Variants in ABCF2 observed in about 807,000 individuals in gnomAD.
ABCF2 encodes ATP binding cassette subfamily F member 2.
In ABCF2, 37 loss-of-function variants were observed where a neutral mutation model predicts 76.9. That is an observed-to-expected ratio of 0.48 (90% CI 0.37 to 0.63). The LOEUF (loss-of-function observed/expected upper bound fraction) is 0.63. ABCF2 is among the 30% of genes least tolerant of loss of function. The pLI is 0.00. For synonymous variants in ABCF2, 299 were observed against 283.7 expected, an observed-to-expected ratio of 1.05 and a Z score of -0.54; for missense variants, 524 against 782.1, an observed-to-expected ratio of 0.67 and a Z score of 3.94.
chr7:151,213,679 A>T lies in ABCF2; in HGVS notation c.*375T>A. ...GGCTGGGGGGTACTCCTCCAACATC[A>T]CCAAAACCCAGAAAACGAGGATCCT... On this transcript the variant is annotated 3_prime_UTR_variant, in exon 15 of 15. Coordinates refer to ENST00000287844, the MANE Select transcript of ABCF2 (RefSeq NM_007189.3). The T allele has an allele frequency of 9.7e-7, 1 of 1,033,780 alleles. No homozygotes were observed. The highest frequency in any genetic ancestry group is 1.2e-6 in the Non-Finnish European group (1 of 863,278). The allele number at this position is 1,033,780 out of a possible 1,614,324, so 64.0% of individuals were successfully genotyped here.
intron 3 of ABCF2, among the ~76,000 whole-genome samples, chr7:151,224,404 T>G (rs1802333119): frequency 6.6e-6 from 1 of 152,142 alleles, no homozygotes; most frequent in Non-Finnish European, 1.5e-5. Flanking sequence ...TGGTACAGGG[T>G]GGACGCACCC....
intron 10 of ABCF2, 76 bp from the exon 11 acceptor site, chr7:151,218,267 G>C: frequency 9.5e-7 from 1 of 1,047,804 alleles, no homozygotes; most frequent in Admixed American, 1.8e-5. Flanking sequence ...CAAGCCCGCT[G>C]AATTCCCAGT....
chr7:151,212,018 T>C lies in ABCF2; in HGVS notation c.*2036A>G. 1.1e-6 allele frequency: 1 copy of C among 951,118 alleles called. No individual in the cohort carries two copies. The highest frequency in any genetic ancestry group is 1.3e-6 in the Non-Finnish European group (1 of 798,740). 58.9% of individuals were successfully genotyped at this position (951,118 alleles called of 1,614,324 possible). On this transcript the variant is annotated 3_prime_UTR_variant, in exon 15 of 15. Transcript: ENST00000287844. ...ACTCACAAGAAATTTCCCTCCTTTT[T>C]GAATACTTCTGTCTCCTATCTAAAT...
At chr7:151,219,356 G>C (rs1027102270) in intron 7 of ABCF2, among the ~76,000 whole-genome samples, 197 bp from the exon 8 acceptor site, 3 of 152,120 alleles carry the variant, frequency 2.0e-5, no homozygotes, top group Admixed American at 2.0e-4. Flanking sequence ...TATGCCCCTC[G>C]CTCAGCCCAG....
intron 11 of ABCF2, among the ~76,000 whole-genome samples, chr7:151,216,567 C>T (rs1802155069): frequency 6.6e-6 from 1 of 152,202 alleles, no homozygotes; most frequent in South Asian, 2.1e-4. Flanking sequence ...CTCTGTTGCC[C>T]AGGCTGGAGT....
In ABCF2 at chr7:151,221,596, C is replaced by G. The variant is rs1158233579; in HGVS notation, c.903G>C (p.Lys301Asn). 1.3e-6 allele frequency: 2 copies of G among 1,598,858 alleles called. No homozygotes were observed. Among genetic ancestry groups the G allele is most frequent in the Non-Finnish European group, 1.7e-6 (2 of 1,167,570 alleles). ...CACTCACCGTATAATACTTCAGTTT[C>G]TTGTTGTGCATGTGAATGATATTGG... is the stretch of plus-strand genomic sequence containing the variant. ...VCTNIIHMHN[K>N]KLKYYTGNYD... Residue 301 changes from lysine to asparagine, a missense_variant, in exon 7 of 15, where the codon AAG becomes AAC. Lys to Asn is a moderately conservative substitution (Grantham distance 94). Coordinates refer to ENST00000287844, the MANE Select transcript of ABCF2 (RefSeq NM_007189.3).
At chr7:151,219,446 G>A (rs934774892) in intron 7 of ABCF2, among the ~76,000 whole-genome samples, 4 of 152,160 alleles carry the variant, frequency 2.6e-5, no homozygotes, top group Non-Finnish European at 4.4e-5. Context: ...GAAAATCACG[G>A]TCATACGGAC....
intron 7 of ABCF2, 125 bp downstream of exon 7, chr7:151,221,453 C>T (rs1337330368): frequency 1.1e-5 from 7 of 629,500 alleles, no homozygotes; most frequent in Non-Finnish European, 1.9e-5. Flanking sequence ...CCACCCACCT[C>T]GGCCTCCCAA....
chr7:151,218,488 C>T, intron 10 of ABCF2, 73 bp downstream of exon 10: 1 of 1,350,526 alleles, frequency 7.4e-7, no homozygotes, highest in Non-Finnish European at 1.1e-6. Context: ...CAGCACAGAA[C>T]AGGAGCAACT....
At chr7:151,225,077 C>T (rs1802346810) in intron 2 of ABCF2, 89 bp from the exon 3 acceptor site, 1 of 1,168,206 alleles carries the variant, frequency 8.6e-7, no homozygotes, top group South Asian at 1.2e-5. Flanking sequence ...AGGCTCCAAT[C>T]CTGCTGAGCA....
In ABCF2 at chr7:151,211,630, A is replaced by G; in HGVS notation, c.*2424T>C. 2.0e-6 allele frequency: 2 copies of G among 985,336 alleles called. No homozygotes were observed. The highest frequency in any genetic ancestry group is 9.4e-5 in the South Asian group (2 of 21,288). 61.0% of individuals were successfully genotyped at this position (985,336 alleles called of 1,614,324 possible). On this transcript the variant is annotated 3_prime_UTR_variant, in exon 15 of 15. Coordinates refer to ENST00000287844, the MANE Select transcript of ABCF2 (RefSeq NM_007189.3). ...CTGTCCTAGTATGGAGACTCTGGAG[A>G]TCCCGAGACTACCTGAATTCTTAGC...
intron 11 of ABCF2, among the ~76,000 whole-genome samples, chr7:151,217,245 C>T (rs1802169514): frequency 6.6e-6 from 1 of 152,156 alleles, no homozygotes; most frequent in Admixed American, 6.5e-5. Context: ...AGGATGCACT[C>T]ACACACCCGC....
chr7:151,222,642 G>A (rs370350358), intron 5 of ABCF2, 26 bp from the exon 6 acceptor site: 4 of 1,587,618 alleles, frequency 2.5e-6, no homozygotes, highest in African/African-American at 2.7e-5. Flanking sequence ...GGAGACAGAA[G>A]CACCTCAGAA....
rs573377670 is a variant in ABCF2, at chr7:151,221,259, G to T, written c.921+319C>A. On this transcript the variant is annotated intron_variant, in intron 7 of 14. Coordinates refer to ENST00000287844, the MANE Select transcript of ABCF2 (RefSeq NM_007189.3). ...CTGTCACCCAGGCTGGAGTGCAGTG[G>T]TGTGATCTCAGCTCACTGCAACCTC... 4.1e-4 allele frequency among the ~76,000 whole-genome samples: 62 copies of T among 151,626 alleles called. No individual in the cohort carries two copies. In the Middle Eastern group the frequency reaches 0.014, roughly 33 times the overall value.
rs1802083787 is a variant in ABCF2 at position 151,213,261 on chromosome 7, A to G, written c.*793T>C. On this transcript the variant is annotated 3_prime_UTR_variant, in exon 15 of 15. Coordinates refer to ENST00000287844, the MANE Select transcript of ABCF2 (RefSeq NM_007189.3). Reference sequence around the variant, plus strand: ...ATTGAACCAGAAACGCTGAGGCGAGATCTGGCAATCTGATTGCATGAGCCC... The same window carrying G: ...ATTGAACCAGAAACGCTGAGGCGAGGTCTGGCAATCTGATTGCATGAGCCC... 2 of 974,680 alleles carry G rather than the reference A, an allele frequency of 2.1e-6. No homozygotes were observed. Among genetic ancestry groups the G allele is most frequent in the Admixed American group, 1.2e-4 (2 of 16,256 alleles). 60.4% of individuals were successfully genotyped at this position (974,680 alleles called of 1,614,324 possible).
Position 151,213,029 on chromosome 7 carries a change from G to A in ABCF2, c.*1025C>T, listed in dbSNP as rs972742567. ...TCCACCTGCCTCAGCCTCCCAAAGC[G>A]CTGGGATTACAGGTGTGAGCCACCG... On this transcript the variant is annotated 3_prime_UTR_variant, in exon 15 of 15. Transcript: ENST00000287844. 8.2e-6 allele frequency: 8 copies of A among 978,744 alleles called. No individual in the cohort carries two copies. The highest frequency in any genetic ancestry group is 1.8e-5 in the African/African-American group (1 of 56,962). The allele number at this position is 978,744 out of a possible 1,614,324, so 60.6% of individuals were successfully genotyped here. A position where few individuals can be genotyped will look rare whatever the true frequency, so the allele number is the denominator to read the frequency against.
chr7:151,214,093 A>C lies in ABCF2; in HGVS notation c.1833T>G (p.Asp611Glu). 1 of 1,614,152 alleles carries C rather than the reference A, an allele frequency of 6.2e-7. No homozygotes were observed. Among genetic ancestry groups the C allele is most frequent in the East Asian group, 2.2e-5 (1 of 44,884 alleles). ...YKEHLKSKLVDEEPQLTKRTH... is the reference protein window; with the variant it reads ...YKEHLKSKLVEEEPQLTKRTH... Reference sequence around the variant, plus strand: ...TCCTCTTGGTGAGCTGGGGCTCCTCATCCACCAGCTTGGACTTGAGGTGCT... The same window carrying C: ...TCCTCTTGGTGAGCTGGGGCTCCTCCTCCACCAGCTTGGACTTGAGGTGCT... The change falls in exon 15 of 15, where the codon GAT becomes GAG. Residue 611 changes from aspartate to glutamate, a missense_variant. By Grantham distance (45) the Asp-to-Glu change is conservative. Transcript: ENST00000287844. The surrounding 1 kb of genome is among the most constrained non-coding windows in gnomAD (Gnocchi z 4.9).
rs1325900750 is a variant in ABCF2 at position 151,214,830 on chromosome 7, C to A, written c.1734+49G>T. The A allele has an allele frequency of 6.3e-7, 1 of 1,588,016 alleles. No homozygotes were observed. The highest frequency in any genetic ancestry group is 1.3e-5 in the African/African-American group (1 of 74,524). On this transcript the variant is annotated intron_variant, in intron 14 of 14. Transcript: ENST00000287844. This position sits in a 1 kb window ranked among gnomAD's most constrained non-coding sequence, Gnocchi z 4.9. The stretch of plus-strand genomic sequence containing the variant: ...CTCCACATGCCATGACTACCCTACC[C>A]AACCCCCTAGAAGCTCTGCTGTGCC...
chr7:151,220,654 G>A (rs1291261634), intron 7 of ABCF2, among the ~76,000 whole-genome samples: 1 of 152,150 alleles, frequency 6.6e-6, no homozygotes, highest in African/African-American at 2.4e-5. Flanking sequence ...TGGGGTAAAT[G>A]TGTAGACTCC....
Sources: gnomAD v4.1 joint callset for allele counts (sites outside exome capture counted in the v4.1 genomes callset) on GRCh38, gnomAD v4.1.1 for gene constraint, Gnocchi (gnomAD v3.1) non-coding constraint, MANE v1.5 for transcripts, NCBI Gene and HGNC (gene_info 2026-07-23, HGNC 2026-07-21) for gene names.